Variants in COL8A1 observed in about 807,000 individuals in gnomAD.
COL8A1 encodes collagen type VIII alpha 1 chain, also known as collagen alpha-1(VIII) chain.
A neutral mutation model predicts 42.7 loss-of-function variants in COL8A1; 21 were observed. That is an observed-to-expected ratio of 0.49 (90% CI 0.35 to 0.71). COL8A1 has a LOEUF of 0.71. Ranked by LOEUF, COL8A1 falls within the 30% of genes least tolerant of loss-of-function variation. COL8A1 has a pLI of 0.01. For missense variants in COL8A1, 788 were observed against 962.4 expected, an observed-to-expected ratio of 0.82 and a Z score of 2.40; for synonymous variants, 367 against 369.1, an observed-to-expected ratio of 0.99 and a Z score of 0.06.
intron 1 of COL8A1, among the ~76,000 whole-genome samples, chr3:99,733,652 G>A (rs534911742): frequency 2.4e-4 from 37 of 151,852 alleles, no homozygotes; most frequent in African/African-American, 8.7e-4. Flanking sequence ...ATAGTCCTTT[G>A]GGTATATACC....
At chr3:99,648,111 C>G (rs1159637869) in intron 1 of COL8A1, among the ~76,000 whole-genome samples, 2 of 152,182 alleles carry the variant, frequency 1.3e-5, no homozygotes, top group African/African-American at 4.8e-5. Context: ...GTCCCGTTAT[C>G]TATATTCCCC....
intron 2 of COL8A1, among the ~76,000 whole-genome samples, chr3:99,754,587 T>C (rs919371743): frequency 6.6e-6 from 1 of 152,146 alleles, no homozygotes; most frequent in Non-Finnish European, 1.5e-5. Flanking sequence ...ACACATTTCC[T>C]TTATTTTTCT....
In COL8A1 at chr3:99,790,965, C is replaced by G. The variant is rs760354411; in HGVS notation, c.283C>G (p.Pro95Ala). Residue 95 changes from proline (P) to alanine (A), a missense_variant, in exon 3 of 4, where the codon CCG (proline) becomes GCG (alanine). Coordinates refer to ENST00000652472, the MANE Select transcript of COL8A1 (RefSeq NM_020351.4). ...HLPQYMKEIQ[P>A]APRMGKEAVP... ...ACCCCAATATATGAAGGAAATTCAA[C>G]CGGCGCCAAGAATGGGCAAGGAAGC... is the stretch of plus-strand genomic sequence containing the variant. 2 of 1,613,562 alleles carry G rather than the reference C, an allele frequency of 1.2e-6. No individual in the cohort carries two copies. Among genetic ancestry groups the G allele is most frequent in the South Asian group, 2.2e-5 (2 of 91,076 alleles).
chr3:99,736,600 T>A (rs182175746), intron 1 of COL8A1, among the ~76,000 whole-genome samples: 1 of 151,752 alleles, frequency 6.6e-6, no homozygotes, highest in East Asian at 1.9e-4. Context: ...GAGAGATAAG[T>A]TTGTTATAAT....
intron 1 of COL8A1, among the ~76,000 whole-genome samples, chr3:99,644,587 G>C (rs1449029041): frequency 6.6e-6 from 1 of 152,166 alleles, no homozygotes. Flanking sequence ...AATAGTAAGT[G>C]TGTTTCTAAA....
chr3:99,674,332 C>A (rs1386147910), intron 1 of COL8A1, among the ~76,000 whole-genome samples: 1 of 151,854 alleles, frequency 6.6e-6, no homozygotes, highest in African/African-American at 2.4e-5. Context: ...GCCTTGCTTA[C>A]TCCACCCTGT....
intron 1 of COL8A1, among the ~76,000 whole-genome samples, chr3:99,692,190 C>T (rs759433425): frequency 6.6e-6 from 1 of 152,156 alleles, no homozygotes; most frequent in Non-Finnish European, 1.5e-5. Flanking sequence ...ATTATGAAAA[C>T]TGGCAGAAAC....
chr3:99,739,497 G>T (rs924738242), intron 1 of COL8A1, among the ~76,000 whole-genome samples: 3 of 152,064 alleles, frequency 2.0e-5, no homozygotes, highest in Non-Finnish European at 4.4e-5. Context: ...TGGATATCCA[G>T]GCATTTGCAT....
chr3:99,738,424 T>G (rs1192654575), intron 1 of COL8A1, among the ~76,000 whole-genome samples: 43 of 152,208 alleles, frequency 2.8e-4, no homozygotes. Context: ...CCTTTCTGTT[T>G]GTTAGTTTTC....
At chr3:99,743,992 G>C (rs1385591380) in intron 1 of COL8A1, among the ~76,000 whole-genome samples, 1 of 151,148 alleles carries the variant, frequency 6.6e-6, no homozygotes, top group African/African-American at 2.4e-5. Flanking sequence ...GCAGTGGCGC[G>C]ATCTCGGCTC....
chr3:99,672,426 A>G (rs1938574294), intron 1 of COL8A1, among the ~76,000 whole-genome samples: 1 of 151,780 alleles, frequency 6.6e-6, no homozygotes, highest in Non-Finnish European at 1.5e-5. Flanking sequence ...TTACATTCTG[A>G]GTGCTTTCTT....
intron 1 of COL8A1, among the ~76,000 whole-genome samples, chr3:99,655,908 A>G (rs1320684719): frequency 1.3e-5 from 2 of 152,224 alleles, no homozygotes; most frequent in African/African-American, 4.8e-5. Flanking sequence ...GGAAGAAAGA[A>G]AAGTATGGAG....
At chr3:99,737,099 A>G (rs1361582258) in intron 1 of COL8A1, among the ~76,000 whole-genome samples, 1 of 151,904 alleles carries the variant, frequency 6.6e-6, no homozygotes, top group African/African-American at 2.4e-5. Flanking sequence ...ATCTTCCTCC[A>G]TCCTTTTATT....
chr3:99,733,118 CT>C (rs71130093), intron 1 of COL8A1, among the ~76,000 whole-genome samples: 29,601 of 132,134 alleles, frequency 0.22, 3,418 homozygotes, highest in African/African-American at 0.33. Context: ...CAGCTTTTTT[CT>C]TTTTTTTTTT....
chr3:99,666,344 G>T (rs903762614), intron 1 of COL8A1, among the ~76,000 whole-genome samples: 1 of 151,892 alleles, frequency 6.6e-6, no homozygotes, highest in Non-Finnish European at 1.5e-5. Flanking sequence ...AGCTCCTTGA[G>T]CTTCAAAATG....
At chr3:99,668,441 T>A (rs534283533) in intron 1 of COL8A1, among the ~76,000 whole-genome samples, 1 of 152,152 alleles carries the variant, frequency 6.6e-6, no homozygotes, top group East Asian at 1.9e-4. Flanking sequence ...TACACTATTC[T>A]TGCCATAACT....
chr3:99,724,433 G>C (rs1277819226), intron 1 of COL8A1, among the ~76,000 whole-genome samples: 5 of 152,058 alleles, frequency 3.3e-5, no homozygotes. Context: ...TCTCAGCTCA[G>C]AGCAGTCTGC....
chr3:99,742,874 G>A (rs896423876), intron 1 of COL8A1, among the ~76,000 whole-genome samples: 2 of 151,190 alleles, frequency 1.3e-5, no homozygotes, highest in Admixed American at 1.3e-4. Context: ...ACCATAACTA[G>A]AAAGAAAAAA....
chr3:99,667,819 T>G (rs1427663300), intron 1 of COL8A1, among the ~76,000 whole-genome samples: 1 of 151,872 alleles, frequency 6.6e-6, no homozygotes, highest in South Asian at 2.1e-4. Flanking sequence ...ACAAGTGCAC[T>G]TCCTCATTTA....
Sources: allele counts gnomAD v4.1 joint callset (sites outside exome capture counted in the v4.1 genomes callset), GRCh38; gene constraint gnomAD v4.1.1; transcripts MANE v1.5; gene names NCBI Gene and HGNC (gene_info 2026-07-23, HGNC 2026-07-21).